Variants in ZAR1 observed in about 807,000 individuals in gnomAD.
ZAR1 encodes the protein zygote arrest protein 1.
In ZAR1, 37 loss-of-function variants were observed where a neutral mutation model predicts 38.3. The ratio of observed to expected loss-of-function variants is 0.97; its 90% confidence interval spans 0.74 to 1.27. The LOEUF is 1.27. ZAR1 is among the 50% of genes most tolerant of loss of function. The pLI is 0.00. For missense variants in ZAR1, 651 were observed against 632.4 expected, an observed-to-expected ratio of 1.03 and a Z score of -0.32; for synonymous variants, 336 against 292.0, an observed-to-expected ratio of 1.15 and a Z score of -1.53.
rs1227290649 is a variant in ZAR1, at chr4:48,492,974, T to C, written c.1093T>C (p.Ser365Pro). ...FKQFCRTCQKSYNPYRVEDIT... is the reference protein window; with the variant it reads ...FKQFCRTCQKPYNPYRVEDIT... The stretch of plus-strand genomic sequence containing the variant: ...ACAGTTTTGCAGAACTTGTCAGAAG[T>C]CTTATAACCCTTACCGAGTGGAGGA... The change falls in exon 3 of 4, where the codon TCT becomes CCT. Residue 365 changes from serine to proline, a missense_variant. Ser to Pro is a moderately conservative substitution (Grantham distance 74, BLOSUM62 -1). Transcript: ENST00000327939. 6.8e-6 allele frequency: 11 copies of C among 1,614,094 alleles called. No individual in the cohort carries two copies. The highest frequency in any genetic ancestry group is 9.3e-6 in the Non-Finnish European group (11 of 1,180,040).
In ZAR1 at chr4:48,490,414, G is replaced by T. The variant is rs770550111; in HGVS notation, c.123G>T (p.Gln41His). 2 of 1,488,712 alleles carry T rather than the reference G, an allele frequency of 1.3e-6. No homozygotes were observed. Among genetic ancestry groups the T allele is most frequent in the Non-Finnish European group, 1.8e-6 (2 of 1,123,360 alleles). The allele number at this position is 1,488,712 out of a possible 1,614,324, so 92.2% of individuals were successfully genotyped here. The change falls in exon 1 of 4, where the codon CAG becomes CAT. Residue 41 changes from glutamine to histidine, a missense_variant. Gln to His is a conservative substitution (Grantham distance 24). Around this residue, in one of 2 missense-constraint regions of ZAR1, gnomAD observed 522 missense variants for 459.9 expected, o/e 1.14. Transcript: ENST00000327939. ...AGGGCGCGGCGGGCGGCAGCTGGCA[G>T]CAGCGCGGCAGGGGCTGCCTTCCCG... ...KGKGAAGGSW[Q>H]QRGRGCLPAS... is the part of the protein sequence containing the mutation.
chr4:48,490,468 C>G lies in ZAR1; in HGVS notation c.177C>G (p.Ala59=). 6.8e-7 allele frequency: 1 copy of G among 1,465,668 alleles called. No individual in the cohort carries two copies. The highest frequency in any genetic ancestry group is 8.9e-7 in the Non-Finnish European group (1 of 1,118,504). The allele number at this position is 1,465,668 out of a possible 1,614,324, so 90.8% of individuals were successfully genotyped here. A position where few individuals can be genotyped will look rare whatever the true frequency, so the allele number is the denominator to read the frequency against. Residue 59 remains alanine (A), a synonymous_variant, in exon 1 of 4, where the codon GCC becomes GCG. Transcript: ENST00000327939. ...PASSPCSAGA[A]SLSFPGCGRL... ...CCTCCCCCTGCTCGGCGGGCGCGGC[C>G]TCGTTGTCCTTCCCGGGCTGCGGGC...
downstream of ZAR1, among the ~76,000 whole-genome samples, chr4:48,496,208 G>C (rs1225941270): frequency 1.3e-5 from 2 of 152,216 alleles, no homozygotes; most frequent in Non-Finnish European, 2.9e-5. Flanking sequence ...ACAGGGACCT[G>C]ATAAAGTGGT....
intron 3 of ZAR1, among the ~76,000 whole-genome samples, chr4:48,493,252 T>G (rs950136594): frequency 4.6e-5 from 7 of 152,226 alleles, no homozygotes; most frequent in African/African-American, 1.7e-4. Flanking sequence ...ACTTGCAATA[T>G]GGAAGAATAC....
rs1328779844 is a variant in ZAR1, at chr4:48,490,772, G to A, written c.481G>A (p.Glu161Lys). The A allele has an allele frequency of 2.0e-6, 3 of 1,485,146 alleles. No homozygotes were observed. Among genetic ancestry groups the A allele is most frequent in the South Asian group, 1.3e-5 (1 of 77,604 alleles). 92.0% of individuals were successfully genotyped at this position (1,485,146 alleles called of 1,614,324 possible). A position where few individuals can be genotyped will look rare whatever the true frequency, so the allele number is the denominator to read the frequency against. Reference sequence around the variant, plus strand: ...CCAGCAGCCATCCCGTCGAGGCCTGGAGCAGGGCAGCCCCCAGAACGGCGC... The same window carrying A: ...CCAGCAGCCATCCCGTCGAGGCCTGAAGCAGGGCAGCCCCCAGAACGGCGC... ...FSQQPSRRGL[E>K]QGSPQNGAPR... Residue 161 changes from glutamate (E) to lysine (K), a missense_variant, in exon 1 of 4, where the codon GAG becomes AAG. Glu to Lys is a moderately conservative substitution (Grantham distance 56). This residue lies in a region of ZAR1 where 522 missense variants were observed against 459.9 expected (regional missense o/e 1.14). Transcript: ENST00000327939.
chr4:48,494,250 A>G lies in ZAR1; in HGVS notation c.*6A>G. The G allele has an allele frequency of 1.2e-6, 2 of 1,614,088 alleles. No individual in the cohort carries two copies. Among genetic ancestry groups the G allele is most frequent in the Non-Finnish European group, 1.7e-6 (2 of 1,179,992 alleles). ...GCTTCAAATACATCATTTAGGTGAA[A>G]GTCAGTGTTGCTGTGCATGCGCTGA... On this transcript the variant is annotated 3_prime_UTR_variant, in exon 4 of 4. Coordinates refer to ENST00000327939, the MANE Select transcript of ZAR1 (RefSeq NM_175619.3).
At position 48,494,303 on chromosome 4, in the gene ZAR1, CCT is replaced by C; in HGVS notation, c.*63_*64del. On this transcript the variant is annotated 3_prime_UTR_variant, in exon 4 of 4. Coordinates refer to ENST00000327939, the MANE Select transcript of ZAR1 (RefSeq NM_175619.3). ...GAGTAGACGAGTGAGCTTTTCCGTG[CCT>C]CTCCTCCACCTCTCCCTTCTCAAAA... 6.3e-7 allele frequency: 1 copy of C among 1,590,116 alleles called. No individual in the cohort carries two copies. The highest frequency in any genetic ancestry group is 1.1e-5 in the South Asian group (1 of 89,840).
At chr4:48,491,604 C>T (rs1380392112) in intron 1 of ZAR1, among the ~76,000 whole-genome samples, 4 of 152,250 alleles carry the variant, frequency 2.6e-5, no homozygotes, top group African/African-American at 9.6e-5. Flanking sequence ...CACAACTGAA[C>T]TTCGGAGCAC....
intron 3 of ZAR1, 119 bp from the exon 4 acceptor site, chr4:48,493,982 A>G (rs1718514815): frequency 2.4e-6 from 3 of 1,247,014 alleles, no homozygotes; most frequent in South Asian, 3.1e-5. Context: ...CAAGATTACT[A>G]TGGGACCTTG....
downstream of ZAR1, among the ~76,000 whole-genome samples, chr4:48,495,995 A>G (rs926683127): frequency 6.6e-6 from 1 of 152,190 alleles, no homozygotes; most frequent in African/African-American, 2.4e-5. Context: ...CACAGGCATT[A>G]TCAGGGAACA....
chr4:48,492,746 T>G lies in ZAR1; in HGVS notation c.964-20T>G, dbSNP rs1294507958. ...AATTCAGGTGTTTTGTTGGTTAAATTGACATATCCTGTTGTTCAGTTCTTA... is the reference window on the plus strand; with the variant it reads ...AATTCAGGTGTTTTGTTGGTTAAATGGACATATCCTGTTGTTCAGTTCTTA... On this transcript the variant is annotated intron_variant, in intron 1 of 3. Coordinates refer to ENST00000327939, the MANE Select transcript of ZAR1 (RefSeq NM_175619.3). 2.5e-6 allele frequency: 4 copies of G among 1,607,586 alleles called. No individual in the cohort carries two copies. The highest frequency in any genetic ancestry group is 3.4e-6 in the Non-Finnish European group (4 of 1,174,704).
rs926801749 is a variant in ZAR1, at chr4:48,490,612, G to T, written c.321G>T (p.Ala107=). 1.3e-5 allele frequency: 18 copies of T among 1,368,136 alleles called. No homozygotes were observed. In the African/African-American group the frequency reaches 2.4e-4, roughly 19 times the overall value. The allele number at this position is 1,368,136 out of a possible 1,614,324, so 84.7% of individuals were successfully genotyped here. Residue 107 remains alanine, a synonymous_variant, in exon 1 of 4, where the codon GCG becomes GCT. Transcript: ENST00000327939. ...RARRAGSCDV[A]VQVSPRIDAA... ...GCAGGGCCGGCAGCTGCGACGTGGCGGTGCAGGTGAGCCCGCGCATCGACG... is the reference window on the plus strand; with the variant it reads ...GCAGGGCCGGCAGCTGCGACGTGGCTGTGCAGGTGAGCCCGCGCATCGACG...
intron 3 of ZAR1, among the ~76,000 whole-genome samples, chr4:48,493,220 C>A (rs1718494406): frequency 6.6e-6 from 1 of 152,158 alleles, no homozygotes; most frequent in South Asian, 2.1e-4. Context: ...TGTTGTTAAC[C>A]TCTTCTAAAA....
intron 3 of ZAR1, 88 bp from the exon 4 acceptor site, chr4:48,494,013 T>C: frequency 1.3e-6 from 2 of 1,483,710 alleles, no homozygotes; most frequent in Non-Finnish European, 1.8e-6. Flanking sequence ...ATTCATTAAG[T>C]ACTTGAATGG....
intron 1 of ZAR1, 140 bp downstream of exon 1, chr4:48,491,394 C>T (rs1225696009): frequency 3.5e-6 from 2 of 579,264 alleles, no homozygotes; most frequent in Non-Finnish European, 5.1e-6. Flanking sequence ...CCGAGACAGC[C>T]AATGACCGCG....
chr4:48,493,851 G>C (rs1718511069), intron 3 of ZAR1, among the ~76,000 whole-genome samples: 1 of 152,196 alleles, frequency 6.6e-6, no homozygotes, highest in Non-Finnish European at 1.5e-5. Context: ...AACAGTTGTT[G>C]TAAAAGAAAT....
At chr4:48,495,770 G>A (rs1431981338), downstream of ZAR1, among the ~76,000 whole-genome samples, 1 of 152,222 alleles carries the variant, frequency 6.6e-6, no homozygotes, top group African/African-American at 2.4e-5. Flanking sequence ...CAGTTCAAAT[G>A]AGTCGAATGA....
Position 48,490,942 on chromosome 4 carries a change from C to T in ZAR1, c.651C>T (p.Pro217=), listed in dbSNP as rs1454756492. 2.2e-6 allele frequency: 3 copies of T among 1,341,270 alleles called. No homozygotes were observed. Among genetic ancestry groups the T allele is most frequent in the African/African-American group, 3.1e-5 (2 of 64,978 alleles). The allele number at this position is 1,341,270 out of a possible 1,614,324, so 83.1% of individuals were successfully genotyped here. A position where few individuals can be genotyped will look rare whatever the true frequency, so the allele number is the denominator to read the frequency against. Residue 217 remains proline (P), a synonymous_variant, in exon 1 of 4, where the codon CCC becomes CCT. Coordinates refer to ENST00000327939, the MANE Select transcript of ZAR1 (RefSeq NM_175619.3). Reference sequence around the variant, plus strand: ...CGGACGGAGAGAGGGGGCCGCCGCCCGCGCGGCTTCAAGGCCCAGAGGAGG... The same window carrying T: ...CGGACGGAGAGAGGGGGCCGCCGCCTGCGCGGCTTCAAGGCCCAGAGGAGG... The part of the protein sequence containing the change: ...GASDGERGPP[P]ARLQGPEEGE...
rs1457417697 is a variant in ZAR1, at chr4:48,494,232, A to G, written c.1263A>G (p.Lys421=). The part of the protein sequence containing the change: ...RLSCDSTFSF[K]YII The stretch of plus-strand genomic sequence containing the variant: ...CCTGTGACAGCACTTTCAGCTTCAA[A>G]TACATCATTTAGGTGAAAGTCAGTG... Residue 421 remains lysine (K), a synonymous_variant, in exon 4 of 4, where the codon AAA becomes AAG. Transcript: ENST00000327939. 1 of 1,614,190 alleles carries G rather than the reference A, an allele frequency of 6.2e-7. No homozygotes were observed. Among genetic ancestry groups the G allele is most frequent in the Non-Finnish European group, 8.5e-7 (1 of 1,180,030 alleles).
Sources: gnomAD v4.1 joint callset for allele counts (sites outside exome capture counted in the v4.1 genomes callset) on GRCh38, gnomAD v4.1.1 for gene constraint, gnomAD v4.1.1 regional missense constraint, MANE v1.5 for transcripts, NCBI Gene and HGNC (gene_info 2026-07-23, HGNC 2026-07-21) for gene names.